The following KLHL1 variants were observed in gnomAD, a reference collection of about 807,000 sequenced individuals.
KLHL1 encodes the protein kelch like family member 1.
In KLHL1, 47 loss-of-function variants were observed where a neutral mutation model predicts 77.7. The observed-to-expected ratio is 0.60, with a 90% CI of 0.48 to 0.77. The LOEUF (loss-of-function observed/expected upper bound fraction) is 0.77, where lower values mean the gene tolerates loss of function less well. KLHL1 is among the 30% of genes least tolerant of loss of function. The pLI, the probability that KLHL1 is intolerant of heterozygous loss-of-function variation, is 0.00. For missense variants in KLHL1, 925 were observed against 910.8 expected (o/e 1.02, Z -0.20); for synonymous variants, 360 against 325.2 (o/e 1.11, Z -1.15).
intron 1 of KLHL1, among the ~76,000 whole-genome samples, chr13:70,012,684 G>A (rs915133976): frequency 2.0e-5 from 3 of 152,138 alleles, no homozygotes; most frequent in Admixed American, 2.0e-4. Flanking sequence ...GCTGAGGCGG[G>A]TGGATCACGA....
chr13:70,032,406 G>A (rs548868726), intron 1 of KLHL1, among the ~76,000 whole-genome samples: 1 of 152,170 alleles, frequency 6.6e-6, no homozygotes, highest in South Asian at 2.1e-4. Flanking sequence ...CTTATTTCAG[G>A]ATAAAACTTG....
intron 1 of KLHL1, among the ~76,000 whole-genome samples, chr13:69,980,234 A>T (rs1013808950): frequency 9.9e-5 from 15 of 152,236 alleles, no homozygotes; most frequent in Admixed American, 9.2e-4. Context: ...CCTCAAGGAA[A>T]TATTTACTTC....
In KLHL1 at chr13:69,975,701, C is replaced by T. The variant is rs776609316; in HGVS notation, c.599G>A (p.Arg200Lys). ...CTGCTTCAAATAACTTTCCATCTTTCTGAAGGTTTGCTCAGCATGATGAAC... is the reference window on the plus strand; with the variant it reads ...CTGCTTCAAATAACTTTCCATCTTTTTGAAGGTTTGCTCAGCATGATGAAC... ...QAVHHAEQTF[R>K]KMESYLKQQQ... Residue 200 changes from arginine (R) to lysine (K), a missense_variant, in exon 2 of 11, where the codon AGA becomes AAA. Transcript: ENST00000377844. 1.2e-6 allele frequency: 2 copies of T among 1,613,550 alleles called. No homozygotes were observed. Among genetic ancestry groups the T allele is most frequent in the South Asian group, 1.1e-5 (1 of 91,058 alleles).
Position 70,033,535 on chromosome 13 carries a change from C to CT in KLHL1, c.498-57734_498-57733insA, listed in dbSNP as rs566932609. Among the ~76,000 whole-genome samples, 24 of 150,566 alleles carry CT rather than the reference C, an allele frequency of 1.6e-4. No individual in the cohort carries two copies. The South Asian group carries it at 5.1e-3, about 32-fold the overall frequency. ...TGTTAGCCAGGATGGTCTCAATCTC[C>CT]GACCTCGTGATCCACCCGCCTTGGC... On this transcript the variant is annotated intron_variant, in intron 1 of 10. Coordinates refer to ENST00000377844, the MANE Select transcript of KLHL1 (RefSeq NM_020866.3).
chr13:69,906,455 G>A (rs1205238182), intron 4 of KLHL1, among the ~76,000 whole-genome samples: 4 of 151,952 alleles, frequency 2.6e-5, no homozygotes, highest in Admixed American at 2.6e-4. Context: ...GGAAAACAGA[G>A]CTAGAACATA....
chr13:69,972,352 T>C lies in KLHL1; in HGVS notation c.680+3268A>G, dbSNP rs1021682707. 5.3e-5 allele frequency among the ~76,000 whole-genome samples: 8 copies of C among 152,070 alleles called. No individual in the cohort carries two copies. The East Asian group carries it at 1.5e-3, about 29-fold the overall frequency. ...AAATAACTAAACTTATTGTCAAATA[T>C]GTACAAACAGTGAAAACAGAATATA... On this transcript the variant is annotated intron_variant, in intron 2 of 10. Transcript: ENST00000377844.
At chr13:69,967,313 T>A (rs1007040819) in intron 2 of KLHL1, among the ~76,000 whole-genome samples, 34 of 152,260 alleles carry the variant, frequency 2.2e-4, no homozygotes, top group African/African-American at 8.2e-4. Flanking sequence ...AAATAACAAC[T>A]AGTTTGGAAA....
At position 69,703,551 on chromosome 13, in the gene KLHL1, T is replaced by A. The variant is rs180905913; in HGVS notation, c.2188-1790A>T. On this transcript the variant is annotated intron_variant, in intron 10 of 10. Transcript: ENST00000377844. The stretch of plus-strand genomic sequence containing the variant: ...GCCTAAGTGTAGAGAGTTTTTTAAG[T>A]CTGCAGTAGCATATAGTAATGTCCA... Among the ~76,000 whole-genome samples the A allele has an allele frequency of 2.6e-5, 4 of 151,708 alleles. No individual in the cohort carries two copies. The East Asian group carries it at 7.7e-4, about 29-fold the overall frequency.
chr13:69,727,943 C>T (rs1482685579), intron 8 of KLHL1, among the ~76,000 whole-genome samples: 1 of 151,606 alleles, frequency 6.6e-6, no homozygotes, highest in East Asian at 1.9e-4. Context: ...TTAAATTTTG[C>T]ATTTTATATT....
chr13:69,932,823 C>T (rs1237945322), intron 4 of KLHL1, among the ~76,000 whole-genome samples: 5 of 151,770 alleles, frequency 3.3e-5, no homozygotes, highest in Admixed American at 6.6e-5. Flanking sequence ...ATTTGTAACA[C>T]GAGTACAAAT....
At chr13:70,044,067 G>A (rs1886439356) in intron 1 of KLHL1, among the ~76,000 whole-genome samples, 1 of 152,010 alleles carries the variant, frequency 6.6e-6, no homozygotes, top group Admixed American at 6.6e-5. Context: ...GTTTCCCATG[G>A]TACTTAGAAT....
At chr13:69,980,870 T>C (rs1884686111) in intron 1 of KLHL1, among the ~76,000 whole-genome samples, 1 of 152,184 alleles carries the variant, frequency 6.6e-6, no homozygotes, top group Non-Finnish European at 1.5e-5. Flanking sequence ...AACTATTTGT[T>C]GAATAAATGC....
At chr13:69,911,111 T>TTC (rs894322927) in intron 4 of KLHL1, among the ~76,000 whole-genome samples, 3 of 151,858 alleles carry the variant, frequency 2.0e-5, no homozygotes, top group African/African-American at 7.2e-5. Context: ...CAGTCTGTCT[T>TTC]TCTCTCTCTC....
chr13:69,933,518 A>G (rs1355101689), intron 4 of KLHL1, among the ~76,000 whole-genome samples: 1 of 152,024 alleles, frequency 6.6e-6, no homozygotes, highest in Non-Finnish European at 1.5e-5. Context: ...CCACATTGAT[A>G]TAGTTTGTTC....
intron 4 of KLHL1, among the ~76,000 whole-genome samples, chr13:69,934,898 T>A (rs1053106536): frequency 6.7e-6 from 1 of 150,048 alleles, no homozygotes; most frequent in Non-Finnish European, 1.5e-5. Flanking sequence ...TCCTGATTTA[T>A]GGGAGGGTTC....
chr13:69,742,314 A>G (rs1041426786), intron 7 of KLHL1, among the ~76,000 whole-genome samples: 3 of 152,182 alleles, frequency 2.0e-5, no homozygotes, highest in Non-Finnish European at 4.4e-5. Flanking sequence ...CTCTGTTCTT[A>G]GTCTTTCTGT....
chr13:70,084,659 T>A, intron 1 of KLHL1, among the ~76,000 whole-genome samples: 1 of 137,088 alleles, frequency 7.3e-6, no homozygotes, highest in African/African-American at 2.8e-5. Flanking sequence ...GAATTTTTAG[T>A]AGAGACGGGG....
At chr13:69,829,209 C>T (rs1878665348) in intron 6 of KLHL1, among the ~76,000 whole-genome samples, 1 of 150,032 alleles carries the variant, frequency 6.7e-6, no homozygotes. Flanking sequence ...CACTTCACTC[C>T]CCTACTACCT....
At chr13:70,066,726 G>GCCAAGAGTCCTTGTC (rs1887014899) in intron 1 of KLHL1, among the ~76,000 whole-genome samples, 1 of 152,146 alleles carries the variant, frequency 6.6e-6, no homozygotes, top group Admixed American at 6.5e-5. Context: ...GTCAAAGCTG[G>GCCAAGAGTCCTTGTC]AATTATAACG....
Sources: allele counts gnomAD v4.1 joint callset (sites outside exome capture counted in the v4.1 genomes callset), GRCh38; gene constraint gnomAD v4.1.1; transcripts MANE v1.5; gene names NCBI Gene and HGNC (gene_info 2026-07-23, HGNC 2026-07-21).